The following LARS1 variants were observed in gnomAD, a reference collection of about 807,000 sequenced individuals.
LARS1 encodes leucyl-tRNA synthetase 1.
In LARS1, 100 loss-of-function variants were observed where a neutral mutation model predicts 162.8. The observed-to-expected ratio is 0.61, with a 90% confidence interval of 0.52 to 0.73. The LOEUF is 0.73. Among genes scored for constraint, LARS1 ranks in the 30% least tolerant of loss-of-function variants. LARS1 has a pLI of 0.00. For synonymous variants in LARS1, 457 were observed against 462.8 expected, an observed-to-expected ratio of 0.99 and a Z score of 0.16; for missense variants, 1,258 against 1,408.9, an observed-to-expected ratio of 0.89 and a Z score of 1.71.
chr5:146,131,743 AG>A, intron 23 of LARS1: 1 of 151,968 alleles, frequency 6.6e-6, no homozygotes, highest in Admixed American at 6.6e-5. Context: ...CTCCCACCTC[AG>A]CCTTTCAAAG....
Position 146,149,774 on chromosome 5 carries a change from CCTAA to C in LARS1, c.1426-79_1426-76del. 4 of 1,091,470 alleles carry C rather than the reference CCTAA, an allele frequency of 3.7e-6. No individual in the cohort carries two copies. The South Asian group carries it at 4.0e-5, about 11-fold the overall frequency. The allele number at this position is 1,091,470 out of a possible 1,614,324, so 67.6% of individuals were successfully genotyped here. A position where few individuals can be genotyped will look rare whatever the true frequency, so the allele number is the denominator to read the frequency against. The stretch of plus-strand genomic sequence containing the variant: ...GCCTTGAGTTTCTTTCCTAATTTTC[CCTAA>C]CTAAATTTGCTTCTGCCCACCGAAA... On this transcript the variant is annotated intron_variant, in intron 14 of 31. Coordinates refer to ENST00000394434, the MANE Select transcript of LARS1 (RefSeq NM_020117.11).
chr5:146,147,776 A>G (rs763991557), intron 15 of LARS1, among the ~76,000 whole-genome samples: 4 of 152,184 alleles, frequency 2.6e-5, no homozygotes, highest in Admixed American at 6.5e-5. Flanking sequence ...AAGTCAAGAA[A>G]TGTTCCCCAA....
At chr5:146,153,635 A>C (rs961355193) in intron 12 of LARS1, 99 bp downstream of exon 12, 1 of 840,976 alleles carries the variant, frequency 1.2e-6, no homozygotes, top group African/African-American at 1.7e-5. Flanking sequence ...TTTAAAGATA[A>C]ATGCATAGCT....
chr5:146,166,129 A>G (rs1416757257), intron 5 of LARS1, among the ~76,000 whole-genome samples: 1 of 152,186 alleles, frequency 6.6e-6, no homozygotes, highest in African/African-American at 2.4e-5. Context: ...CATTCAGGCC[A>G]TAGTTTCTGA....
At chr5:146,178,777 CCT>C (rs1322037961) in intron 1 of LARS1, among the ~76,000 whole-genome samples, 1 of 152,020 alleles carries the variant, frequency 6.6e-6, no homozygotes, top group Non-Finnish European at 1.5e-5. Flanking sequence ...GCCACTGCCC[CCT>C]CTCACTTCAA....
rs1764098846 is a variant in LARS1, at chr5:146,114,220, G to A, written c.3417C>T (p.Thr1139=). The change falls in exon 32 of 32, where the codon ACC becomes ACT. Residue 1139 remains threonine (T), a synonymous_variant. Transcript: ENST00000394434. ...TGAAAACAGCATGCTCAGAAATGGG[G>A]GTCTTCTCGGTGTACTCCTTTCCCA... ...PVLGKEYTEK[T]PISEHAVFNV... 6.2e-7 allele frequency: 1 copy of A among 1,613,504 alleles called. No individual in the cohort carries two copies. The highest frequency in any genetic ancestry group is 1.3e-5 in the African/African-American group (1 of 74,748).
chr5:146,135,578 C>A (rs1752468385), intron 22 of LARS1, 23 bp downstream of exon 22: 1 of 1,552,666 alleles, frequency 6.4e-7, no homozygotes, highest in Non-Finnish European at 8.8e-7. Context: ...TACAGAACAG[C>A]AATAAGAAAA....
At chr5:146,139,356 A>G (rs34461274) in intron 21 of LARS1, among the ~76,000 whole-genome samples, 33,211 of 93,284 alleles carry the variant, frequency 0.36, 4,760 homozygotes, top group East Asian at 0.52. Flanking sequence ...AAAAAAAAAA[A>G]AAAAGAAAAA....
At chr5:146,166,537 C>T (rs756993968) in intron 5 of LARS1, among the ~76,000 whole-genome samples, 1 of 150,878 alleles carries the variant, frequency 6.6e-6, no homozygotes, top group Non-Finnish European at 1.5e-5. Flanking sequence ...GACTCCATCT[C>T]TTAAAAAACA....
chr5:146,157,444 C>G lies in LARS1; in HGVS notation c.1024G>C (p.Asp342His), dbSNP rs76661460. Reference protein sequence around the residue: ...RNMSYQGFTKDNGVVPVVKEL... With the variant: ...RNMSYQGFTKHNGVVPVVKEL... ...TTAACAACAGGCACCACGCCATTGT[C>G]TTTGGTAAAGCCCTGGTATGACATA... Residue 342 changes from aspartate (D) to histidine (H), a missense_variant, in exon 10 of 32, where the codon GAC (aspartate) becomes CAC (histidine). By Grantham distance (81) the Asp-to-His change is moderately conservative. Coordinates refer to ENST00000394434, the MANE Select transcript of LARS1 (RefSeq NM_020117.11). The G allele has an allele frequency of 4.3e-6, 7 of 1,614,062 alleles. No individual in the cohort carries two copies. In the African/African-American group the frequency reaches 9.3e-5, roughly 22 times the overall value.
intron 6 of LARS1, among the ~76,000 whole-genome samples, chr5:146,163,611 G>A (rs1462669712): frequency 2.6e-5 from 4 of 151,536 alleles, no homozygotes; most frequent in Admixed American, 6.6e-5. Context: ...GCTTGAACCC[G>A]GGAGGCGGAG....
At position 146,160,251 on chromosome 5, in the gene LARS1, G is replaced by T. The variant is rs1488157629; in HGVS notation, c.707+123C>A. 3 of 496,988 alleles carry T rather than the reference G, an allele frequency of 6.0e-6. No homozygotes were observed. In the South Asian group the frequency reaches 9.3e-5, roughly 15 times the overall value. 30.8% of individuals were successfully genotyped at this position (496,988 alleles called of 1,614,324 possible). A position where few individuals can be genotyped will look rare whatever the true frequency, so the allele number is the denominator to read the frequency against. On this transcript the variant is annotated intron_variant, in intron 7 of 31. Transcript: ENST00000394434. ...TGGTCTCGCTATGTTGCCCAGGCTGGTCTCAAACTCCTGGCCTCAAGCAAT... is the reference window on the plus strand; with the variant it reads ...TGGTCTCGCTATGTTGCCCAGGCTGTTCTCAAACTCCTGGCCTCAAGCAAT...
chr5:146,158,033 C>T (rs2126536360), intron 8 of LARS1, among the ~76,000 whole-genome samples: 1 of 152,270 alleles, frequency 6.6e-6, no homozygotes, highest in South Asian at 2.1e-4. Context: ...GGTGAGAAGA[C>T]ACAATCAACC....
chr5:146,129,000 T>C lies in LARS1; in HGVS notation c.2747A>G (p.Tyr916Cys), dbSNP rs781688282. 19 of 1,594,332 alleles carry C rather than the reference T, an allele frequency of 1.2e-5. No homozygotes were observed. In the East Asian group the frequency reaches 3.1e-4, roughly 26 times the overall value. ...TACCTTCCCTTTAGCTGGCATCATA[T>C]AGTTCTTGAGTCGTAGTCTAAGGTC... is the stretch of plus-strand genomic sequence containing the variant. Reference protein sequence around the residue: ...THDLRLRLKNYMMPAKGKKTD... With the variant: ...THDLRLRLKNCMMPAKGKKTD... The change falls in exon 26 of 32, where the codon TAT (tyrosine) becomes TGT (cysteine). Residue 916 changes from tyrosine (Y) to cysteine (C), a missense_variant. Tyr to Cys is a radical substitution (Grantham distance 194). Transcript: ENST00000394434.
chr5:146,130,087 T>C lies in LARS1; in HGVS notation c.2559A>G (p.Glu853=), dbSNP rs760370344. 9 of 1,613,852 alleles carry C rather than the reference T, an allele frequency of 5.6e-6. No individual in the cohort carries two copies. In the East Asian group the frequency reaches 2.0e-4, roughly 36 times the overall value. Residue 853 remains glutamate (E), a synonymous_variant, in exon 25 of 32, where the codon GAA becomes GAG. Transcript: ENST00000394434. ...ATGGAGCGAGGAGAAGTGTCTGAAC[T>C]TCAATAAACCGGAACACAAGTTCTC... ...MHRELVFRFI[E]VQTLLLAPFC...
In LARS1 at chr5:146,149,707, G is replaced by C; in HGVS notation, c.1426-8C>G. Reference sequence around the variant, plus strand: ...TCCATCCACCAACATGATCTAAAAGGATGAGAGGGGAGAAAAACCACATAT... The same window carrying C: ...TCCATCCACCAACATGATCTAAAAGCATGAGAGGGGAGAAAAACCACATAT... On this transcript the variant is annotated splice_polypyrimidine_tract_variant and splice_region_variant and intron_variant, in intron 14 of 31. Transcript: ENST00000394434. 6.3e-7 allele frequency: 1 copy of C among 1,595,308 alleles called. No homozygotes were observed. The highest frequency in any genetic ancestry group is 8.6e-7 in the Non-Finnish European group (1 of 1,163,328).
rs1325220667 is a variant in LARS1, at chr5:146,142,998, A to G, written c.1964T>C (p.Leu655Ser). 6.2e-7 allele frequency: 1 copy of G among 1,613,914 alleles called. No individual in the cohort carries two copies. Among genetic ancestry groups the G allele is most frequent in the Admixed American group, 1.7e-5 (1 of 60,002 alleles). ...TTCAAACTCCTGCTTTAACTGATCT[A>G]ATTTTTCCTTTGCAATCTGAGTCTT... Reference protein sequence around the residue: ...FPKTQIAKEKLDQLKQEFEFW... With the variant: ...FPKTQIAKEKSDQLKQEFEFW... Residue 655 changes from leucine (L) to serine (S), a missense_variant, in exon 20 of 32, where the codon TTA becomes TCA. Coordinates refer to ENST00000394434, the MANE Select transcript of LARS1 (RefSeq NM_020117.11).
rs1301942729 is a variant in LARS1, at chr5:146,157,262, C to A, written c.1065+141G>T. 3 of 712,250 alleles carry A rather than the reference C, an allele frequency of 4.2e-6. No homozygotes were observed. In the African/African-American group the frequency reaches 5.4e-5, roughly 13 times the overall value. The allele number at this position is 712,250 out of a possible 1,614,324, so 44.1% of individuals were successfully genotyped here. A position where few individuals can be genotyped will look rare whatever the true frequency, so the allele number is the denominator to read the frequency against. On this transcript the variant is annotated intron_variant, in intron 10 of 31. Transcript: ENST00000394434. ...GTAAGTGTATATACATATGAAAATGCACCAAAACACACAAGACTTACACAG... is the reference window on the plus strand; with the variant it reads ...GTAAGTGTATATACATATGAAAATGAACCAAAACACACAAGACTTACACAG...
At chr5:146,138,994 C>A in intron 21 of LARS1, 1 of 378,190 alleles carries the variant, frequency 2.6e-6, no homozygotes, top group South Asian at 2.1e-5. Flanking sequence ...GATGCTGTAC[C>A]CCTCAAGGAT....
Sources: gnomAD v4.1 joint callset for allele counts (sites outside exome capture counted in the v4.1 genomes callset) on GRCh38, gnomAD v4.1.1 for gene constraint, MANE v1.5 for transcripts, NCBI Gene and HGNC (gene_info 2026-07-23, HGNC 2026-07-21) for gene names.